Variants in USP28 observed in about 807,000 individuals in gnomAD.
USP28 encodes the protein ubiquitin carboxyl-terminal hydrolase 28.
USP28 carries 113 observed loss-of-function variants against 145.0 expected under a neutral mutation model. That is an observed-to-expected ratio of 0.78 (90% CI 0.67 to 0.91). The LOEUF (loss-of-function observed/expected upper bound fraction) is 0.91. Ranked by LOEUF, USP28 falls within the 40% of genes least tolerant of loss-of-function variation. USP28 has a pLI of 0.00. For synonymous variants in USP28, 447 were observed against 450.9 expected, an observed-to-expected ratio of 0.99 and a Z score of 0.11; for missense variants, 1,201 against 1,289.6, an observed-to-expected ratio of 0.93 and a Z score of 1.05.
intron 10 of USP28, among the ~76,000 whole-genome samples, chr11:113,828,110 G>A (rs960651016): frequency 1.4e-4 from 21 of 152,202 alleles, no homozygotes; most frequent in African/African-American, 5.1e-4. Context: ...GTATGTCTGA[G>A]GTTCCTGTCA....
intron 14 of USP28, 71 bp from the exon 15 acceptor site, chr11:113,814,026 T>C (rs1161201770): frequency 1.7e-6 from 2 of 1,153,074 alleles, no homozygotes; most frequent in African/African-American, 1.5e-5. Context: ...CTACTTTAAC[T>C]AAGCAAAGAA....
At chr11:113,869,378 G>A (rs1948599044) in intron 1 of USP28, among the ~76,000 whole-genome samples, 1 of 152,200 alleles carries the variant, frequency 6.6e-6, no homozygotes. Context: ...ACAGTGAGCT[G>A]ATCTCACGCC....
chr11:113,802,446 T>A (rs1472631590), intron 23 of USP28, among the ~76,000 whole-genome samples: 2 of 152,230 alleles, frequency 1.3e-5, no homozygotes, highest in African/African-American at 4.8e-5. Context: ...GCCTGACTTC[T>A]GTGAAGGGCA....
intron 11 of USP28, among the ~76,000 whole-genome samples, chr11:113,825,658 C>A (rs975383607): frequency 5.3e-5 from 8 of 152,140 alleles, no homozygotes; most frequent in African/African-American, 1.7e-4. Context: ...CTCAGCAATA[C>A]AAAGGAGCAA....
intron 1 of USP28, among the ~76,000 whole-genome samples, chr11:113,870,053 T>A (rs1307327662): frequency 2.0e-5 from 3 of 152,016 alleles, no homozygotes; most frequent in African/African-American, 7.3e-5. Context: ...TCCCAGCCAC[T>A]CGGGAGGCTG....
chr11:113,821,080 G>T, intron 12 of USP28: 2 of 242,398 alleles, frequency 8.3e-6, no homozygotes. Context: ...AGTTGTCACT[G>T]GTGAGGGACT....
At chr11:113,838,566 G>C (rs1196143460) in intron 5 of USP28, among the ~76,000 whole-genome samples, 1 of 152,140 alleles carries the variant, frequency 6.6e-6, no homozygotes, top group Non-Finnish European at 1.5e-5. Context: ...CTTATTTGCT[G>C]TTCCTTGTCT....
intron 1 of USP28, chr11:113,874,449 A>AAAAT: frequency 2.0e-5 from 17 of 856,402 alleles, no homozygotes; most frequent in South Asian, 8.7e-5. Flanking sequence ...AAAAAAAAAA[A>AAAAT]GTGTCTCCAT....
intron 10 of USP28, among the ~76,000 whole-genome samples, chr11:113,828,337 T>G (rs1943608890): frequency 6.6e-6 from 1 of 152,210 alleles, no homozygotes; most frequent in Non-Finnish European, 1.5e-5. Flanking sequence ...AGACTCCCTC[T>G]TTTGTAAGAG....
At chr11:113,829,029 G>A (rs1943684945) in intron 10 of USP28, 168 bp downstream of exon 10, 2 of 853,422 alleles carry the variant, frequency 2.3e-6, no homozygotes, top group East Asian at 2.6e-5. Context: ...ATTTATCAAA[G>A]TACTGATACT....
intron 1 of USP28, among the ~76,000 whole-genome samples, chr11:113,860,959 A>G: frequency 6.6e-6 from 1 of 151,326 alleles, no homozygotes; most frequent in Non-Finnish European, 1.5e-5. Context: ...TCTACTAAAA[A>G]CACAAAAAAT....
intron 8 of USP28, 118 bp from the exon 9 acceptor site, chr11:113,831,061 G>C (rs536496517): frequency 1.1e-6 from 1 of 927,884 alleles, no homozygotes; most frequent in African/African-American, 1.6e-5. Flanking sequence ...CAAAGAGCCA[G>C]GTATGATCTA....
intron 19 of USP28, 54 bp downstream of exon 20, chr11:113,806,435 C>T: frequency 6.9e-7 from 1 of 1,455,638 alleles, no homozygotes; most frequent in Non-Finnish European, 9.6e-7. Flanking sequence ...GAATTATTTC[C>T]CCAATATTAT....
At chr11:113,833,930 C>T (rs1369752348) in intron 6 of USP28, among the ~76,000 whole-genome samples, 1 of 152,324 alleles carries the variant, frequency 6.6e-6, no homozygotes, top group South Asian at 2.1e-4. Context: ...AGGTCTCTGG[C>T]ATCAGGGCAT....
At chr11:113,808,503 A>C in intron 17 of USP28, 66 bp from the exon 18 acceptor site, 2 of 1,566,204 alleles carry the variant, frequency 1.3e-6, no homozygotes, top group East Asian at 2.3e-5. Flanking sequence ...TCAGATAAAA[A>C]GCAAGCAGAA....
chr11:113,806,078 G>C (rs1479948808), intron 19 of USP28, among the ~76,000 whole-genome samples: 1 of 148,792 alleles, frequency 6.7e-6, no homozygotes, highest in African/African-American at 2.5e-5. Context: ...ACAGGTATGT[G>C]CTACCATGCC....
chr11:113,827,117 C>T (rs1444822414), intron 11 of USP28, 116 bp downstream of exon 11: 28 of 1,312,190 alleles, frequency 2.1e-5, no homozygotes, highest in Non-Finnish European at 2.8e-5. Flanking sequence ...CTCATAGAAT[C>T]CAAATTTGCA....
chr11:113,837,461 G>A (rs985891064), intron 5 of USP28, among the ~76,000 whole-genome samples: 1 of 152,148 alleles, frequency 6.6e-6, no homozygotes. Context: ...CACATGAAAG[G>A]TGTCAGTTCG....
chr11:113,804,636 A>G (rs778603534), intron 21 of USP28, 37 bp downstream of exon 22: 2 of 1,577,496 alleles, frequency 1.3e-6, no homozygotes, highest in East Asian at 4.5e-5. Flanking sequence ...TCAGGAATTA[A>G]TGTTTTTGCT....
Sources: gnomAD v4.1 joint callset for allele counts (sites outside exome capture counted in the v4.1 genomes callset) on GRCh38, gnomAD v4.1.1 for gene constraint, MANE v1.5 for transcripts, NCBI Gene and HGNC (gene_info 2026-07-23, HGNC 2026-07-21) for gene names.